Variants in STAU2 observed in about 807,000 individuals in gnomAD.
STAU2 encodes staufen double-stranded RNA binding protein 2.
In STAU2, 20 loss-of-function variants were observed where a neutral mutation model predicts 65.9. That is an observed-to-expected ratio of 0.30 (90% CI 0.21 to 0.44). The LOEUF (loss-of-function observed/expected upper bound fraction) is 0.44. STAU2 is among the 20% of genes least tolerant of loss of function. The pLI, the probability that STAU2 is intolerant of heterozygous loss-of-function variation, is 1.00. For missense variants in STAU2, 558 were observed against 683.9 expected, an observed-to-expected ratio of 0.82 and a Z score of 2.05; for synonymous variants, 232 against 233.9, an observed-to-expected ratio of 0.99 and a Z score of 0.07.
At chr8:73,737,545 A>G (rs1055610775) in intron 3 of STAU2, among the ~76,000 whole-genome samples, 10 of 151,456 alleles carry the variant, frequency 6.6e-5, no homozygotes, top group Non-Finnish European at 1.2e-4. Flanking sequence ...CAAAAGAAAT[A>G]AAAGTATTTT....
At chr8:73,496,221 A>G (rs1316408864) in intron 13 of STAU2, among the ~76,000 whole-genome samples, 3 of 151,460 alleles carry the variant, frequency 2.0e-5, no homozygotes, top group Non-Finnish European at 4.4e-5. Flanking sequence ...TCAAAAATAC[A>G]CAAATTTGCT....
chr8:73,441,987 G>A (rs896810735), intron 13 of STAU2, among the ~76,000 whole-genome samples: 8 of 152,076 alleles, frequency 5.3e-5, no homozygotes, highest in African/African-American at 1.9e-4. Flanking sequence ...AGAAGTAAAC[G>A]ATATCTTCTT....
intron 13 of STAU2, among the ~76,000 whole-genome samples, chr8:73,466,697 T>C (rs1413661208): frequency 2.0e-5 from 3 of 152,260 alleles, no homozygotes; most frequent in Admixed American, 2.0e-4. Context: ...GAACGTTTTA[T>C]CTACATCTCC....
At chr8:73,615,815 T>C (rs372394873) in intron 7 of STAU2, 33 bp from the exon 8 acceptor site, 112 of 1,497,230 alleles carry the variant, frequency 7.5e-5, no homozygotes, top group Middle Eastern at 1.7e-4. Flanking sequence ...ACACTGAATC[T>C]TGACATTATA....
intron 12 of STAU2, among the ~76,000 whole-genome samples, chr8:73,581,679 A>G (rs1048325823): frequency 1.3e-5 from 2 of 152,138 alleles, no homozygotes; most frequent in African/African-American, 4.8e-5. Flanking sequence ...CATCATATTC[A>G]TCACCCCTAT....
chr8:73,423,622 C>G (rs1252145086), intron 13 of STAU2, among the ~76,000 whole-genome samples: 1 of 152,174 alleles, frequency 6.6e-6, no homozygotes, highest in Non-Finnish European at 1.5e-5. Context: ...TGAAAACGAG[C>G]TAGCTCTTGG....
chr8:73,540,818 T>A (rs934797098), intron 13 of STAU2, among the ~76,000 whole-genome samples: 2 of 152,136 alleles, frequency 1.3e-5, no homozygotes, highest in East Asian at 3.9e-4. Context: ...GAATTATGAG[T>A]TTTGACTTTT....
At chr8:73,432,656 A>G (rs1380703402) in intron 13 of STAU2, among the ~76,000 whole-genome samples, 1 of 152,246 alleles carries the variant, frequency 6.6e-6, no homozygotes, top group African/African-American at 2.4e-5. Context: ...TTTTTGTTAA[A>G]TAAAAAAAGG....
rs71269924 is a variant in STAU2, at chr8:73,622,123, A to ATTTTTTT, written c.411-4679_411-4673dup. 1.2e-4 allele frequency among the ~76,000 whole-genome samples: 3 copies of ATTTTTTT among 25,180 alleles called. 1 individual carries two copies. Among genetic ancestry groups the ATTTTTTT allele is most frequent in the Admixed American group, 3.7e-4 (1 of 2,716 alleles). The allele number at this position is 25,180 out of a possible 152,430, so 16.5% of individuals were successfully genotyped here. ...AGGCGCCCGCCACCATGCCCAGCTA[A>ATTTTTTT]TTTTTTTTTTTTTTTTTTTTTTGAG... On this transcript the variant is annotated intron_variant, in intron 6 of 14. Coordinates refer to ENST00000524300, the MANE Select transcript of STAU2 (RefSeq NM_001164380.2).
At chr8:73,744,595 T>A (rs189350155) in intron 1 of STAU2, among the ~76,000 whole-genome samples, 162 of 152,098 alleles carry the variant, frequency 1.1e-3, no homozygotes, top group African/African-American at 3.6e-3. Context: ...CTATCTTAGA[T>A]TTTTTTTATA....
At chr8:73,590,261 GA>G (rs1810675358) in intron 11 of STAU2, among the ~76,000 whole-genome samples, 1 of 148,282 alleles carries the variant, frequency 6.7e-6, no homozygotes, top group Non-Finnish European at 1.5e-5. Flanking sequence ...GAGAAAGGAA[GA>G]AACAAAAAAA....
intron 12 of STAU2, among the ~76,000 whole-genome samples, chr8:73,577,491 C>T (rs560230649): frequency 2.0e-5 from 3 of 150,416 alleles, no homozygotes; most frequent in East Asian, 1.9e-4. Context: ...TGTTTAAATG[C>T]AGTCAGATTG....
At chr8:73,422,520 C>T (rs952686625) in intron 14 of STAU2, 94 bp downstream of exon 14, 3 of 938,550 alleles carry the variant, frequency 3.2e-6, no homozygotes, top group East Asian at 6.2e-5. Flanking sequence ...GATGTAGATA[C>T]TATTGTCGAC....
intron 12 of STAU2, among the ~76,000 whole-genome samples, chr8:73,556,860 G>A (rs534444234): frequency 6.6e-6 from 1 of 152,146 alleles, no homozygotes; most frequent in Admixed American, 6.5e-5. Flanking sequence ...CTTTTGGTGA[G>A]ATGAAAATGT....
chr8:73,453,427 T>C (rs1042447674), intron 13 of STAU2, among the ~76,000 whole-genome samples: 2 of 152,246 alleles, frequency 1.3e-5, no homozygotes, highest in African/African-American at 4.8e-5. Flanking sequence ...AAACAATGAC[T>C]ATGTAAGCAT....
At chr8:73,572,393 AT>A (rs1365837983) in intron 12 of STAU2, among the ~76,000 whole-genome samples, 1 of 152,194 alleles carries the variant, frequency 6.6e-6, no homozygotes, top group Non-Finnish European at 1.5e-5. Context: ...TCCCTAACTC[AT>A]TTTTTGAGGC....
intron 13 of STAU2, among the ~76,000 whole-genome samples, chr8:73,517,048 T>C (rs372030654): frequency 6.6e-6 from 1 of 152,116 alleles, no homozygotes. Flanking sequence ...GCATACAGAA[T>C]AGTAGGAATA....
At chr8:73,595,126 T>C in intron 11 of STAU2, 40 bp downstream of exon 11, 1 of 1,507,618 alleles carries the variant, frequency 6.6e-7, no homozygotes. Context: ...ACTTTGATAT[T>C]ATGACAGATA....
intron 8 of STAU2, among the ~76,000 whole-genome samples, chr8:73,615,205 C>T (rs1296181252): frequency 6.6e-6 from 1 of 151,390 alleles, no homozygotes; most frequent in African/African-American, 2.4e-5. Context: ...ATATATTTAT[C>T]TAGCTGTTAA....
Sources: gnomAD v4.1 joint callset for allele counts (sites outside exome capture counted in the v4.1 genomes callset) on GRCh38, gnomAD v4.1.1 for gene constraint, MANE v1.5 for transcripts, NCBI Gene and HGNC (gene_info 2026-07-23, HGNC 2026-07-21) for gene names.